The following CALN1 variants were observed in gnomAD, a reference collection of about 807,000 sequenced individuals.
CALN1 encodes the protein calneuron 1.
CALN1 carries 17 observed loss-of-function variants against 30.6 expected under a neutral mutation model. The ratio of observed to expected loss-of-function variants is 0.56; its 90% confidence interval spans 0.38 to 0.83. The LOEUF (loss-of-function observed/expected upper bound fraction) is 0.83, where lower values mean the gene tolerates loss of function less well. CALN1 is among the 40% of genes least tolerant of loss of function. CALN1 has a pLI of 0.00. For missense variants in CALN1, 291 were observed against 354.9 expected (o/e 0.82, Z 1.45); for synonymous variants, 156 against 131.4 (o/e 1.19, Z -1.28).
intron 3 of CALN1, among the ~76,000 whole-genome samples, chr7:72,262,221 G>A (rs1796314774): frequency 6.6e-6 from 1 of 152,178 alleles, no homozygotes; most frequent in Non-Finnish European, 1.5e-5. Flanking sequence ...TTTAAAAGGA[G>A]ATCTATGGAC....
upstream of CALN1, among the ~76,000 whole-genome samples, chr7:72,448,783 T>A (rs376483160): frequency 1.0e-3 from 153 of 152,180 alleles, no homozygotes; most frequent in African/African-American, 3.4e-3. Flanking sequence ...TTTTTTGTAT[T>A]TTTAGTAGAG....
At chr7:71,840,600 A>G (rs1252179526) in intron 5 of CALN1, among the ~76,000 whole-genome samples, 1 of 151,798 alleles carries the variant, frequency 6.6e-6, no homozygotes, top group Non-Finnish European at 1.5e-5. Context: ...TTCTCTTTAG[A>G]TATTAAATTC....
At chr7:72,325,598 T>A (rs1044753981) in intron 2 of CALN1, among the ~76,000 whole-genome samples, 4 of 152,078 alleles carry the variant, frequency 2.6e-5, no homozygotes, top group African/African-American at 9.7e-5. Context: ...TGAAACTCTG[T>A]CTCGAAAATA....
intron 5 of CALN1, among the ~76,000 whole-genome samples, chr7:71,869,022 A>G (rs1791764185): frequency 6.6e-6 from 1 of 151,970 alleles, no homozygotes. Flanking sequence ...TTTAAGAACA[A>G]GTTGGGTGAG....
At chr7:72,284,009 G>A (rs985786692) in intron 2 of CALN1, among the ~76,000 whole-genome samples, 2 of 152,162 alleles carry the variant, frequency 1.3e-5, no homozygotes, top group Non-Finnish European at 2.9e-5. Context: ...ATACTGAAGA[G>A]GCCATGTATG....
At chr7:71,790,325 AGAAG>A (rs1375374054) in intron 6 of CALN1, among the ~76,000 whole-genome samples, 14 of 144,414 alleles carry the variant, frequency 9.7e-5, no homozygotes, top group African/African-American at 3.5e-4. Flanking sequence ...AAAGAAAGAA[AGAAG>A]GAAAGAAAGA....
intron 2 of CALN1, among the ~76,000 whole-genome samples, chr7:72,288,636 A>T (rs1292583065): frequency 6.6e-6 from 1 of 152,252 alleles, no homozygotes; most frequent in African/African-American, 2.4e-5. Flanking sequence ...AAAACTTGGT[A>T]TTAGCAGACT....
At chr7:72,272,701 C>T (rs1384369249) in intron 3 of CALN1, among the ~76,000 whole-genome samples, 2 of 152,138 alleles carry the variant, frequency 1.3e-5, no homozygotes, top group Non-Finnish European at 2.9e-5. Context: ...ACTACAGTGG[C>T]ACATAAGGAA....
At chr7:72,255,545 G>A (rs545665300) in intron 3 of CALN1, among the ~76,000 whole-genome samples, 1 of 151,574 alleles carries the variant, frequency 6.6e-6, no homozygotes, top group Non-Finnish European at 1.5e-5. Context: ...TTCCCGAGTA[G>A]CTAGGACTAC....
intron 3 of CALN1, among the ~76,000 whole-genome samples, chr7:72,221,034 G>A (rs1793249638): frequency 6.6e-6 from 1 of 152,128 alleles, no homozygotes; most frequent in Non-Finnish European, 1.5e-5. Context: ...CTGTGCAGAA[G>A]CTCTTTAGTT....
At chr7:72,181,108 C>CCG (rs1554308663) in intron 3 of CALN1, among the ~76,000 whole-genome samples, 1 of 112,548 alleles carries the variant, frequency 8.9e-6, no homozygotes, top group South Asian at 3.6e-4. Flanking sequence ...CCCCCCCCCC[C>CCG]CCAAAAAAAA....
At chr7:72,393,339 C>T (rs1805703288) in intron 2 of CALN1, among the ~76,000 whole-genome samples, 1 of 152,074 alleles carries the variant, frequency 6.6e-6, no homozygotes, top group Non-Finnish European at 1.5e-5. Context: ...TGGCGGGCAC[C>T]TGTAGTCCCA....
At chr7:71,928,794 G>A (rs1795401245) in intron 5 of CALN1, among the ~76,000 whole-genome samples, 1 of 152,058 alleles carries the variant, frequency 6.6e-6, no homozygotes, top group Admixed American at 6.6e-5. Flanking sequence ...CATTTTGGGA[G>A]GCTGAGGTGG....
intron 2 of CALN1, among the ~76,000 whole-genome samples, chr7:72,395,936 C>T (rs927783374): frequency 3.3e-5 from 5 of 151,988 alleles, no homozygotes; most frequent in Non-Finnish European, 7.4e-5. Context: ...GGTAGGACCT[C>T]CAAATATATA....
intron 3 of CALN1, among the ~76,000 whole-genome samples, chr7:72,130,857 A>C (rs552134483): frequency 6.7e-6 from 1 of 150,286 alleles, no homozygotes; most frequent in African/African-American, 2.5e-5. Context: ...GTATTCCACA[A>C]AGCACATATT....
At chr7:71,942,546 A>T (rs2867561) in intron 5 of CALN1, 49,729 of 154,118 alleles carry the variant, frequency 0.32, 8,542 homozygotes, top group East Asian at 0.7. Flanking sequence ...ATCTGCTCCT[A>T]TATTTTATTT....
chr7:72,212,664 A>T (rs1792500162), intron 3 of CALN1, among the ~76,000 whole-genome samples: 1 of 152,020 alleles, frequency 6.6e-6, no homozygotes, highest in African/African-American at 2.4e-5. Context: ...AGAATAAAAA[A>T]TGAGCCAGGC....
Position 72,315,185 on chromosome 7 carries a change from A to G in CALN1, c.120-36375T>C, listed in dbSNP as rs529233738. The stretch of plus-strand genomic sequence containing the variant: ...ATTTTTAATAATAAACACAAAGTTA[A>G]AAAGTAATACTAAAGAAATAAAGGG... On this transcript the variant is annotated intron_variant, in intron 2 of 6. Coordinates refer to ENST00000395275, the MANE Select transcript of CALN1 (RefSeq NM_031468.4). Among the ~76,000 whole-genome samples, 28 of 152,186 alleles carry G rather than the reference A, an allele frequency of 1.8e-4. 1 individual carries two copies. The South Asian group carries it at 5.6e-3, about 30-fold the overall frequency.
chr7:72,221,172 AG>A (rs1793261951), intron 3 of CALN1, among the ~76,000 whole-genome samples: 1 of 152,118 alleles, frequency 6.6e-6, no homozygotes, highest in South Asian at 2.1e-4. Flanking sequence ...GGGTGGTGAA[AG>A]GGGAGTATTT....
Sources: gnomAD v4.1 joint callset for allele counts (sites outside exome capture counted in the v4.1 genomes callset) on GRCh38, gnomAD v4.1.1 for gene constraint, MANE v1.5 for transcripts, NCBI Gene and HGNC (gene_info 2026-07-23, HGNC 2026-07-21) for gene names.